TMTC1: variants seen among roughly 807,000 people sequenced by gnomAD.
TMTC1 encodes protein O-mannosyl-transferase TMTC1.
Under a neutral mutation model 104.8 loss-of-function variants are expected in TMTC1, and 73 were observed. The ratio of observed to expected loss-of-function variants is 0.70; its 90% CI spans 0.58 to 0.85. TMTC1 has a LOEUF of 0.85. TMTC1 is among the 40% of genes least tolerant of loss of function. The pLI, the probability that TMTC1 is intolerant of heterozygous loss-of-function variation, is 0.00. For missense variants in TMTC1, 1,035 were observed against 1,096.1 expected (o/e 0.94, Z 0.79); for synonymous variants, 434 against 428.7 (o/e 1.01, Z -0.15).
At chr12:29,528,834 T>C (rs979530476) in intron 11 of TMTC1, among the ~76,000 whole-genome samples, 3 of 152,040 alleles carry the variant, frequency 2.0e-5, no homozygotes, top group Non-Finnish European at 4.4e-5. Context: ...GCTGAGAAAC[T>C]TTAAAAATAT....
chr12:29,547,255 T>C (rs80148349), intron 10 of TMTC1, among the ~76,000 whole-genome samples: 5,891 of 152,256 alleles, frequency 0.039, 372 homozygotes, highest in African/African-American at 0.14. Context: ...CCTGGGCAGC[T>C]CTGTCTTCAG....
chr12:29,544,845 T>C (rs930991496), intron 10 of TMTC1, among the ~76,000 whole-genome samples: 3 of 152,192 alleles, frequency 2.0e-5, no homozygotes, highest in African/African-American at 7.2e-5. Flanking sequence ...GTTTAATGCG[T>C]GTTCCTGGGT....
At chr12:29,746,784 A>C (rs1942965808) in intron 5 of TMTC1, among the ~76,000 whole-genome samples, 1 of 152,110 alleles carries the variant, frequency 6.6e-6, no homozygotes, top group South Asian at 2.1e-4. Flanking sequence ...ACAGGAAAAA[A>C]CTTTTAAGAG....
intron 8 of TMTC1, among the ~76,000 whole-genome samples, chr12:29,577,975 G>T (rs1223713279): frequency 6.6e-6 from 1 of 151,946 alleles, no homozygotes; most frequent in Non-Finnish European, 1.5e-5. Flanking sequence ...GAACTAAATA[G>T]TGCATGGTAG....
chr12:29,755,588 T>C, intron 4 of TMTC1, 121 bp downstream of exon 4: 1 of 814,478 alleles, frequency 1.2e-6, no homozygotes, highest in Non-Finnish European at 1.9e-6. Context: ...TACGTGACAG[T>C]CTAAGGTGAG....
intron 6 of TMTC1, among the ~76,000 whole-genome samples, chr12:29,607,000 G>A (rs1474461017): frequency 3.3e-5 from 5 of 151,704 alleles, no homozygotes; most frequent in Non-Finnish European, 1.5e-5. Context: ...ACGGACACCC[G>A]TAGTGAGCAG....
At chr12:29,692,868 T>C (rs1941304104) in intron 5 of TMTC1, among the ~76,000 whole-genome samples, 1 of 144,846 alleles carries the variant, frequency 6.9e-6, no homozygotes, top group South Asian at 2.2e-4. Flanking sequence ...AAAAACATCA[T>C]ACTACATTAA....
chr12:29,546,761 A>G (rs1384555054), intron 10 of TMTC1, among the ~76,000 whole-genome samples: 2 of 152,152 alleles, frequency 1.3e-5, no homozygotes, highest in East Asian at 3.9e-4. Flanking sequence ...GAATCAGACT[A>G]GTCCCAGCTA....
intron 7 of TMTC1, among the ~76,000 whole-genome samples, chr12:29,595,020 T>C (rs1263269365): frequency 2.0e-5 from 3 of 152,226 alleles, no homozygotes; most frequent in African/African-American, 4.8e-5. Context: ...ACGAGGTAGA[T>C]TGAAATCATG....
At chr12:29,518,971 T>TA (rs1944070875) in intron 12 of TMTC1, among the ~76,000 whole-genome samples, 1 of 152,198 alleles carries the variant, frequency 6.6e-6, no homozygotes, top group Non-Finnish European at 1.5e-5. Flanking sequence ...TCTCATTATA[T>TA]AAAAAATAGA....
intron 5 of TMTC1, among the ~76,000 whole-genome samples, chr12:29,639,149 G>A (rs1938709976): frequency 6.6e-6 from 1 of 152,148 alleles, no homozygotes; most frequent in Non-Finnish European, 1.5e-5. Context: ...TCTAGCCTCT[G>A]CCTTCCACAA....
At chr12:29,717,295 C>T (rs1301164553) in intron 5 of TMTC1, among the ~76,000 whole-genome samples, 15 of 152,110 alleles carry the variant, frequency 9.9e-5, no homozygotes, top group Admixed American at 3.9e-4. Context: ...AATAAACTTA[C>T]GGAGTAAGTG....
Position 29,572,130 on chromosome 12 carries a change from T to C in TMTC1, c.1507A>G (p.Ile503Val). ...LKDQGRNKEAIYHYRTALKLY... is the reference protein window; with the variant it reads ...LKDQGRNKEAVYHYRTALKLY... ...TTGAGAGCTGTTCTGTAGTGGTAGA[T>C]CGCTTCCTTGTTCCGACCTTGGTCC... The change falls in exon 9 of 18, where the codon ATC becomes GTC. Residue 503 changes from isoleucine (I) to valine (V), a missense_variant. Physicochemically the swap from Ile to Val is conservative, Grantham distance 29 (BLOSUM62 3). Transcript: ENST00000539277. The C allele has an allele frequency of 1.2e-6, 2 of 1,613,974 alleles. No homozygotes were observed. Among genetic ancestry groups the C allele is most frequent in the Non-Finnish European group, 1.7e-6 (2 of 1,179,852 alleles).
At chr12:29,725,461 G>A (rs544761288) in intron 5 of TMTC1, among the ~76,000 whole-genome samples, 2 of 152,156 alleles carry the variant, frequency 1.3e-5, no homozygotes, top group South Asian at 4.1e-4. Context: ...AGCCTCCCAA[G>A]TAGCTGGGAT....
chr12:29,766,783 G>A (rs1943474134), intron 2 of TMTC1, among the ~76,000 whole-genome samples: 1 of 152,114 alleles, frequency 6.6e-6, no homozygotes, highest in South Asian at 2.1e-4. Context: ...AAAGAGTCTT[G>A]TAAAACTGTG....
intron 5 of TMTC1, among the ~76,000 whole-genome samples, chr12:29,644,907 A>C (rs1369085419): frequency 6.6e-6 from 1 of 152,124 alleles, no homozygotes; most frequent in African/African-American, 2.4e-5. Context: ...CAGGTCCCAA[A>C]GCAGACACCA....
intron 5 of TMTC1, among the ~76,000 whole-genome samples, chr12:29,694,334 C>G (rs1941351465): frequency 6.6e-6 from 1 of 152,208 alleles, no homozygotes; most frequent in East Asian, 1.9e-4. Flanking sequence ...GTATTGCTTC[C>G]AGGACCCCCT....
At chr12:29,639,471 C>G (rs918333551) in intron 5 of TMTC1, among the ~76,000 whole-genome samples, 2 of 152,110 alleles carry the variant, frequency 1.3e-5, no homozygotes, top group Non-Finnish European at 2.9e-5. Flanking sequence ...AGTAGAAAGT[C>G]TAAAATAAAA....
chr12:29,660,787 TA>T, intron 5 of TMTC1: 1 of 919,014 alleles, frequency 1.1e-6, no homozygotes, highest in Non-Finnish European at 1.5e-6. Flanking sequence ...TATATATATA[TA>T]TATATATATA....
Sources: allele counts gnomAD v4.1 joint callset (sites outside exome capture counted in the v4.1 genomes callset), GRCh38; gene constraint gnomAD v4.1.1; transcripts MANE v1.5; gene names NCBI Gene and HGNC (gene_info 2026-07-23, HGNC 2026-07-21).